The following PCDHGB2 variants were observed in gnomAD, a reference collection of about 807,000 sequenced individuals.
The protein encoded by PCDHGB2 is protocadherin gamma subfamily B, 2.
A neutral mutation model predicts 59.3 loss-of-function variants in PCDHGB2; 55 were observed. The observed-to-expected ratio is 0.93, with a 90% CI of 0.75 to 1.16. The LOEUF is 1.16. PCDHGB2 is among the 50% of genes most tolerant of loss of function. The pLI, the probability that PCDHGB2 is intolerant of heterozygous loss-of-function variation, is 0.00. For synonymous variants in PCDHGB2, 516 were observed against 512.0 expected, an observed-to-expected ratio of 1.01 and a Z score of -0.11; for missense variants, 1,228 against 1,198.5, an observed-to-expected ratio of 1.02 and a Z score of -0.36.
rs1419819549 is a variant in PCDHGB2 at position 141,405,132 on chromosome 5, C to T, written c.2421+42576C>T. ...TGGCACTCCTCGCATCTGCTGCGGG[C>T]TACCAGTGATGGGTTGGCTGGTGTG... On this transcript the variant is annotated intron_variant, in intron 1 of 3. Transcript: ENST00000522605. 2 of 1,614,032 alleles carry T rather than the reference C, an allele frequency of 1.2e-6. No individual in the cohort carries two copies. Among genetic ancestry groups the T allele is most frequent in the East Asian group, 4.5e-5 (2 of 44,860 alleles).
intron 1 of PCDHGB2, chr5:141,395,804 A>C (rs150880061): frequency 6.6e-6 from 1 of 152,224 alleles, no homozygotes; most frequent in Non-Finnish European, 1.5e-5. Context: ...ACCATCCTTC[A>C]AAACATGAAC....
At chr5:141,430,140 A>C (rs1295602149) in intron 1 of PCDHGB2, among the ~76,000 whole-genome samples, 1 of 152,202 alleles carries the variant, frequency 6.6e-6, no homozygotes, top group Non-Finnish European at 1.5e-5. Context: ...CCTTCCATTC[A>C]GGATCATTCA....
chr5:141,412,967 A>G, intron 1 of PCDHGB2: 1 of 520,650 alleles, frequency 1.9e-6, no homozygotes, highest in Non-Finnish European at 3.3e-6. Context: ...CTACTAGGAG[A>G]GAAAACGCAG....
At chr5:141,377,577 CAGAATGAGACTTTT>C (rs1211676701) in intron 1 of PCDHGB2, 2 of 148,600 alleles carry the variant, frequency 1.3e-5, no homozygotes, top group African/African-American at 2.5e-5. Context: ...GCCTGGGAGA[CAGAATGAGACTTTT>C]TCTCTCTCTC....
intron 1 of PCDHGB2, among the ~76,000 whole-genome samples, chr5:141,465,335 T>C (rs1222292569): frequency 6.6e-6 from 1 of 152,186 alleles, no homozygotes; most frequent in African/African-American, 2.4e-5. Context: ...ATTTTTTATA[T>C]TGGTTACTGA....
rs758463890 is a variant in PCDHGB2 at position 141,394,966 on chromosome 5, G to A, written c.2421+32410G>A. On this transcript the variant is annotated intron_variant, in intron 1 of 3. Coordinates refer to ENST00000522605, the MANE Select transcript of PCDHGB2 (RefSeq NM_018923.3). ...GTGCTTCTGGGGCTCAGGCTGAGGCGCTGGCACAAGTCACGCCTGCTCCAG... is the reference window on the plus strand; with the variant it reads ...GTGCTTCTGGGGCTCAGGCTGAGGCACTGGCACAAGTCACGCCTGCTCCAG... 11 of 1,613,768 alleles carry A rather than the reference G, an allele frequency of 6.8e-6. No homozygotes were observed. In the African/African-American group the frequency reaches 9.3e-5, roughly 14 times the overall value.
intron 1 of PCDHGB2, among the ~76,000 whole-genome samples, chr5:141,484,092 G>A (rs1594371151): frequency 6.6e-6 from 1 of 152,102 alleles, no homozygotes; most frequent in African/African-American, 2.4e-5. Flanking sequence ...AATGGTCTTC[G>A]TTGGTAATTA....
chr5:141,381,909 A>AACCTCC (rs1182707286), intron 1 of PCDHGB2, among the ~76,000 whole-genome samples: 1 of 130,036 alleles, frequency 7.7e-6, no homozygotes, highest in East Asian at 2.2e-4. Context: ...GGCTCACCAC[A>AACCTCC]ACCTCCACCT....
At chr5:141,412,195 C>T (rs1326751515) in intron 1 of PCDHGB2, 2 of 152,208 alleles carry the variant, frequency 1.3e-5, no homozygotes, top group African/African-American at 4.8e-5. Context: ...CTGATGAAAA[C>T]AGGTCATTTG....
At chr5:141,379,889 C>CTTTTTTATTTTTTTTTTTTTTTTTTTTTT (rs1775946036) in intron 1 of PCDHGB2, among the ~76,000 whole-genome samples, 1 of 50,830 alleles carries the variant, frequency 2.0e-5, no homozygotes, top group Non-Finnish European at 3.9e-5. Context: ...GTGAAAGCCT[C>CTTTTTTATTTTTTTTTTTTTTTTTTTTTT]TTTTTTTTTT....
chr5:141,491,714 C>A lies in PCDHGB2; in HGVS notation c.2422-3093C>A, dbSNP rs1321811999. On this transcript the variant is annotated intron_variant, in intron 1 of 3. Transcript: ENST00000522605. The surrounding 1 kb of genome is among the most constrained non-coding windows in gnomAD (Gnocchi z 6.9). ...GAGCGGAGCCAGGTGAGGGGCTCGG[C>A]GCCGCCCCGGGCGACCCCTGGGGGC... 2 of 1,608,742 alleles carry A rather than the reference C, an allele frequency of 1.2e-6. No individual in the cohort carries two copies. The highest frequency in any genetic ancestry group is 1.7e-6 in the Non-Finnish European group (2 of 1,177,914).
chr5:141,370,388 G>C (rs10052885), intron 1 of PCDHGB2: 2 of 1,542,252 alleles, frequency 1.3e-6, no homozygotes, highest in South Asian at 1.3e-5. Context: ...AAGGCGCAGA[G>C]AGCGGGATGG....
intron 1 of PCDHGB2, chr5:141,419,384 G>T (rs1383174444): frequency 1.2e-6 from 2 of 1,613,554 alleles, no homozygotes; most frequent in East Asian, 2.2e-5. Flanking sequence ...GTCCGTGAGC[G>T]CGCAGAGCGG....
intron 1 of PCDHGB2, chr5:141,409,471 A>G (rs2095271616): frequency 1.2e-6 from 2 of 1,613,860 alleles, no homozygotes; most frequent in Non-Finnish European, 1.7e-6. Flanking sequence ...TCACCATCGT[A>G]GCCACTGACA....
chr5:141,500,309 C>T (rs777434466), intron 2 of PCDHGB2, among the ~76,000 whole-genome samples: 2 of 151,602 alleles, frequency 1.3e-5, no homozygotes, highest in Non-Finnish European at 2.9e-5. Flanking sequence ...CCCAGGTTCA[C>T]GCCATGCTCC....
At chr5:141,415,041 G>C in intron 1 of PCDHGB2, 2 of 1,613,530 alleles carry the variant, frequency 1.2e-6, no homozygotes, top group Non-Finnish European at 1.7e-6. Context: ...GACTCTTCGC[G>C]GTGGGGGAGC....
chr5:141,398,684 A>G (rs752285568), intron 1 of PCDHGB2: 1 of 1,613,958 alleles, frequency 6.2e-7, no homozygotes, highest in Admixed American at 1.7e-5. Context: ...AAGGAGAAAC[A>G]GGATGGTAGT....
At chr5:141,409,626 G>A (rs776642148) in intron 1 of PCDHGB2, 13 of 1,613,760 alleles carry the variant, frequency 8.1e-6, no homozygotes, top group Non-Finnish European at 5.1e-6. Flanking sequence ...GCGCAAGTGA[G>A]CGCCTCTGAC....
intron 1 of PCDHGB2, chr5:141,440,191 A>G (rs1239698049): frequency 1.3e-5 from 2 of 152,376 alleles, no homozygotes; most frequent in African/African-American, 4.8e-5. Context: ...GTTGAAGGCC[A>G]GGCATGGTGG....
Sources: gnomAD v4.1 joint callset for allele counts (sites outside exome capture counted in the v4.1 genomes callset) on GRCh38, gnomAD v4.1.1 for gene constraint, Gnocchi (gnomAD v3.1) non-coding constraint, MANE v1.5 for transcripts, NCBI Gene and HGNC (gene_info 2026-07-23, HGNC 2026-07-21) for gene names.